Variants in KCNH4 observed in about 807,000 individuals in gnomAD.
KCNH4 encodes the protein voltage-gated delayed rectifier potassium channel KCNH4.
KCNH4 carries 33 observed loss-of-function variants against 90.7 expected under a neutral mutation model. The observed-to-expected ratio is 0.36, with a 90% CI of 0.28 to 0.49. The LOEUF is 0.49. KCNH4 is among the 20% of genes least tolerant of loss of function. The probability of loss-of-function intolerance (pLI) is 0.98; values close to 1 mark genes in which losing one functional copy is unlikely to be tolerated. For missense variants in KCNH4, 1,044 were observed against 1,387.1 expected, an observed-to-expected ratio of 0.75 and a Z score of 3.93; for synonymous variants, 551 against 581.7, an observed-to-expected ratio of 0.95 and a Z score of 0.76.
At chr17:42,160,920 CTTTTTTTTTTTTTT>C (rs57677761) in intron 15 of KCNH4, among the ~76,000 whole-genome samples, 3 of 73,408 alleles carry the variant, frequency 4.1e-5, no homozygotes, top group East Asian at 4.9e-4. Context: ...TTTTCTTTTT[CTTTTTTTTTTTTTT>C]TTTTTTTTTT....
Position 42,180,789 on chromosome 17 carries a change from C to T in KCNH4, c.76+81G>A, listed in dbSNP as rs1195422331. 3 of 1,401,016 alleles carry T rather than the reference C, an allele frequency of 2.1e-6. No homozygotes were observed. Among genetic ancestry groups the T allele is most frequent in the African/African-American group, 2.9e-5 (2 of 70,094 alleles). 86.8% of individuals were successfully genotyped at this position (1,401,016 alleles called of 1,614,324 possible). ...TCTCTCCCCTCGCCTCGGGTCTCAC[C>T]ATGTCCAGGAGATCCGAGACGGCCC... On this transcript the variant is annotated intron_variant, in intron 1 of 16. Transcript: ENST00000264661. The surrounding 1 kb of genome is among the most constrained non-coding windows in gnomAD (Gnocchi z 4.7).
Position 42,165,708 on chromosome 17 carries a change from TG to T in KCNH4, c.1841-16del, listed in dbSNP as rs745655906. ...GTCCCCCTTCCCTGTAGGTAAGGGA[TG>T]GGGACAGTCAGCTGGGGCAGTGAGA... On this transcript the variant is annotated splice_polypyrimidine_tract_variant and intron_variant, in intron 10 of 16. Coordinates refer to ENST00000264661, the MANE Select transcript of KCNH4 (RefSeq NM_012285.3). The T allele has an allele frequency of 1.2e-6, 2 of 1,613,634 alleles. No homozygotes were observed. Among genetic ancestry groups the T allele is most frequent in the Non-Finnish European group, 1.7e-6 (2 of 1,179,702 alleles).
intron 16 of KCNH4, among the ~76,000 whole-genome samples, chr17:42,158,311 A>G (rs55718234): frequency 4.0e-5 from 6 of 149,910 alleles, no homozygotes; most frequent in Non-Finnish European, 7.4e-5. Flanking sequence ...CAGGTGGATC[A>G]TGAGGTCAGG....
chr17:42,161,067 T>C (rs1371961825), intron 15 of KCNH4, among the ~76,000 whole-genome samples: 4 of 151,738 alleles, frequency 2.6e-5, no homozygotes, highest in African/African-American at 9.7e-5. Context: ...GCCGAGACTA[T>C]AGGTGTGTGC....
In KCNH4 at chr17:42,164,169, C is replaced by A. The variant is rs1261270227; in HGVS notation, c.2086-1G>T. 6.4e-7 allele frequency: 1 copy of A among 1,550,828 alleles called. No individual in the cohort carries two copies. Among genetic ancestry groups the A allele is most frequent in the South Asian group, 1.2e-5 (1 of 83,558 alleles). On this transcript the variant is annotated splice_acceptor_variant, in intron 11 of 16. Transcript: ENST00000264661. LOFTEE classifies it high-confidence loss of function. ...GGGATCGGGAAAAGCGGCTGAGGCC[C>A]TGTGGGGACATAGGAGAGTTCAAGC...
Position 42,163,999 on chromosome 17 carries a change from C to A in KCNH4, c.2125-41G>T. 1 of 1,502,066 alleles carries A rather than the reference C, an allele frequency of 6.7e-7. No homozygotes were observed. The highest frequency in any genetic ancestry group is 8.9e-7 in the Non-Finnish European group (1 of 1,118,378). 93.0% of individuals were successfully genotyped at this position (1,502,066 alleles called of 1,614,324 possible). A position where few individuals can be genotyped will look rare whatever the true frequency, so the allele number is the denominator to read the frequency against. ...GCAGCTGATGTCGCAGGACAGTGAACAACAGACCCCTTCATTAAGTAAGAG... is the reference window on the plus strand; with the variant it reads ...GCAGCTGATGTCGCAGGACAGTGAAAAACAGACCCCTTCATTAAGTAAGAG... On this transcript the variant is annotated intron_variant, in intron 12 of 16. Transcript: ENST00000264661. The surrounding 1 kb of genome is among the most constrained non-coding windows in gnomAD (Gnocchi z 5.4).
At position 42,164,150 on chromosome 17, in the gene KCNH4, G is replaced by A; in HGVS notation, c.2104C>T (p.Arg702Ter). ...SDTSGLSRFS[R>*]SPRLSQPRSE... is the part of the protein sequence containing the mutation. ...GTTACCTGGGAGAGGCGAGGGGATC[G>A]GGAAAAGCGGCTGAGGCCCTGTGGG... is the stretch of plus-strand genomic sequence containing the variant. The change falls in exon 12 of 17, where the codon CGA becomes TGA. Residue 702 changes from arginine (R) to a stop codon, truncating the protein, a stop_gained. Coordinates refer to ENST00000264661, the MANE Select transcript of KCNH4 (RefSeq NM_012285.3). LOFTEE classifies it high-confidence loss of function. 2.6e-6 allele frequency: 4 copies of A among 1,552,490 alleles called. No individual in the cohort carries two copies. The highest frequency in any genetic ancestry group is 3.5e-6 in the Non-Finnish European group (4 of 1,147,368).
At chr17:42,172,670 A>T (rs945779153) in intron 6 of KCNH4, among the ~76,000 whole-genome samples, 4 of 152,038 alleles carry the variant, frequency 2.6e-5, no homozygotes, top group Non-Finnish European at 5.9e-5. Flanking sequence ...TCAAGGTCAC[A>T]GACCAAGGAC....
intron 6 of KCNH4, among the ~76,000 whole-genome samples, chr17:42,172,903 G>A (rs2079837463): frequency 6.6e-6 from 1 of 151,792 alleles, no homozygotes; most frequent in Non-Finnish European, 1.5e-5. Context: ...GGACAGGCAA[G>A]GACTTGAGGG....
chr17:42,178,072 G>C, intron 4 of KCNH4, 28 bp downstream of exon 4: 4 of 1,606,704 alleles, frequency 2.5e-6, no homozygotes, highest in Non-Finnish European at 3.4e-6. Flanking sequence ...GAGGACTTGG[G>C]AGATGTTGGG....
chr17:42,162,414 G>C (rs773303359), intron 14 of KCNH4, 93 bp from the exon 15 acceptor site: 43 of 1,042,994 alleles, frequency 4.1e-5, no homozygotes, highest in Non-Finnish European at 5.7e-5. Flanking sequence ...GGCAGGCGGA[G>C]AGCAGGGGGA....
At chr17:42,157,274 G>A (rs1462155585) in intron 16 of KCNH4, among the ~76,000 whole-genome samples, 156 bp from the exon 17 acceptor site, 7 of 152,066 alleles carry the variant, frequency 4.6e-5, no homozygotes, top group South Asian at 4.2e-4. Flanking sequence ...GCTCCACCCC[G>A]GACATTCCAA....
chr17:42,169,623 A>G lies in KCNH4; in HGVS notation c.1444T>C (p.Tyr482His), dbSNP rs761277988. ...CTGTGGTAGAGCGAGCGGCGCGAGT[A>G]CATGCGCTGGATGATGGCTGTCACG... ...GNVTAIIQRM[Y>H]SRRSLYHSRM... is the part of the protein sequence containing the mutation. The change falls in exon 9 of 17, where the codon TAC becomes CAC. Residue 482 changes from tyrosine to histidine, a missense_variant. By Grantham distance (83) the Tyr-to-His change is moderately conservative. Around this residue, in one of 4 missense-constraint regions of KCNH4, gnomAD observed 318 missense variants for 479.6 expected, o/e 0.66. Transcript: ENST00000264661. 16 of 1,613,920 alleles carry G rather than the reference A, an allele frequency of 9.9e-6. No homozygotes were observed. The Admixed American group carries it at 1.5e-4, about 15-fold the overall frequency.
chr17:42,169,585 G>T lies in KCNH4; in HGVS notation c.1482C>A (p.Asp494Glu), dbSNP rs1462326617. 6.2e-7 allele frequency: 1 copy of T among 1,613,974 alleles called. No individual in the cohort carries two copies. The highest frequency in any genetic ancestry group is 8.5e-7 in the Non-Finnish European group (1 of 1,179,996). Residue 494 changes from aspartate to glutamate, a missense_variant, in exon 9 of 17, where the codon GAC (aspartate) becomes GAA (glutamate). Coordinates refer to ENST00000264661, the MANE Select transcript of KCNH4 (RefSeq NM_012285.3). ...GGTGCACACGGATGAAGTCCTTGAGGTCCTTCATGCGGCTGTGGTAGAGCG... is the reference window on the plus strand; with the variant it reads ...GGTGCACACGGATGAAGTCCTTGAGTTCCTTCATGCGGCTGTGGTAGAGCG... Reference protein sequence around the residue: ...RRSLYHSRMKDLKDFIRVHRL... With the variant: ...RRSLYHSRMKELKDFIRVHRL...
At position 42,176,127 on chromosome 17, in the gene KCNH4, A is replaced by G. The variant is rs1351797954; in HGVS notation, c.756T>C (p.Gly252=). 2.5e-6 allele frequency: 4 copies of G among 1,613,746 alleles called. No individual in the cohort carries two copies. Among genetic ancestry groups the G allele is most frequent in the Non-Finnish European group, 3.4e-6 (4 of 1,179,906 alleles). The change falls in exon 5 of 17, where the codon GGT becomes GGC. Residue 252 remains glycine, a synonymous_variant. Coordinates refer to ENST00000264661, the MANE Select transcript of KCNH4 (RefSeq NM_012285.3). ...VTVPYNVCFS[G]DDDTPITSRH... ...GCGAAGTGATGGGGGTGTCATCGTC[A>G]CCCGAGAAACAGACATTGTAGGGGA...
intron 16 of KCNH4, among the ~76,000 whole-genome samples, chr17:42,158,841 AATAT>A (rs1015365156): frequency 2.7e-5 from 4 of 148,786 alleles, no homozygotes; most frequent in Non-Finnish European, 6.0e-5. Context: ...TCTATAAAAA[AATAT>A]ATATATATAT....
chr17:42,176,275 G>T lies in KCNH4; in HGVS notation c.608C>A (p.Ser203Ter). 6.2e-7 allele frequency: 1 copy of T among 1,611,498 alleles called. No homozygotes were observed. The highest frequency in any genetic ancestry group is 8.5e-7 in the Non-Finnish European group (1 of 1,178,772). Residue 203 changes from serine (S) to a stop codon, truncating the protein, a stop_gained, in exon 5 of 17, where the codon TCA becomes TAA. Coordinates refer to ENST00000264661, the MANE Select transcript of KCNH4 (RefSeq NM_012285.3). LOFTEE classifies it high-confidence loss of function. The part of the protein sequence containing the change: ...ANNNVFEPKP[S>*]VPEYKVASVG... ...GGAGGCCACCTTGTACTCGGGCACT[G>T]ATGGCTTTGGCTCAAACACGTTCTA... is the stretch of plus-strand genomic sequence containing the variant.
rs767647803 is a variant in KCNH4, at chr17:42,163,702, G to T, written c.2381C>A (p.Ser794Tyr). 2 of 1,516,282 alleles carry T rather than the reference G, an allele frequency of 1.3e-6. No homozygotes were observed. Among genetic ancestry groups the T allele is most frequent in the South Asian group, 2.7e-5 (2 of 75,232 alleles). The allele number at this position is 1,516,282 out of a possible 1,614,324, so 93.9% of individuals were successfully genotyped here. ...PALAGQGHSA[S>Y]PHGPPRCSAA... Reference sequence around the variant, plus strand: ...AGAGCACCTGGGGGGGCCGTGAGGGGAGGCACTGTGGCCCTGGCCAGCCAG... The same window carrying T: ...AGAGCACCTGGGGGGGCCGTGAGGGTAGGCACTGTGGCCCTGGCCAGCCAG... The change falls in exon 13 of 17, where the codon TCC becomes TAC. Residue 794 changes from serine to tyrosine, a missense_variant. Physicochemically the swap from Ser to Tyr is moderately radical, Grantham distance 144 (BLOSUM62 -2). This residue lies in a region of KCNH4 where 441 missense variants were observed against 512.3 expected (regional missense o/e 0.86). Transcript: ENST00000264661. The surrounding 1 kb of genome is among the most constrained non-coding windows in gnomAD (Gnocchi z 5.4).
chr17:42,171,583 T>C (rs2079827174), intron 7 of KCNH4, among the ~76,000 whole-genome samples: 1 of 152,014 alleles, frequency 6.6e-6, no homozygotes, highest in African/African-American at 2.4e-5. Context: ...CCCACTAGGC[T>C]GTGAGTTCCC....
Sources: allele counts gnomAD v4.1 joint callset (sites outside exome capture counted in the v4.1 genomes callset), GRCh38; gene constraint gnomAD v4.1.1; regional missense constraint gnomAD v4.1.1; non-coding constraint Gnocchi (gnomAD v3.1); transcripts MANE v1.5; gene names NCBI Gene and HGNC (gene_info 2026-07-23, HGNC 2026-07-21).